CPLANE1: variants seen among roughly 807,000 people sequenced by gnomAD.
CPLANE1 encodes the protein ciliogenesis and planar polarity effector complex subunit 1, also known as ciliogenesis and planar polarity effector 1.
Under a neutral mutation model 362.5 loss-of-function variants are expected in CPLANE1, and 263 were observed. That is an observed-to-expected ratio of 0.73 (90% CI 0.66 to 0.80). CPLANE1 has a LOEUF of 0.80. Among genes scored for constraint, CPLANE1 ranks in the 30% least tolerant of loss-of-function variants. The pLI, the probability that CPLANE1 is intolerant of heterozygous loss-of-function variation, is 0.00. For synonymous variants in CPLANE1, 1,212 were observed against 1,302.6 expected, an observed-to-expected ratio of 0.93 and a Z score of 1.50; for missense variants, 3,461 against 3,793.4, an observed-to-expected ratio of 0.91 and a Z score of 2.30.
intron 48 of CPLANE1, 121 bp downstream of exon 48, chr5:37,122,309 A>G (rs1762886545): frequency 2.5e-6 from 2 of 796,896 alleles, no homozygotes; most frequent in Non-Finnish European, 4.2e-6. Flanking sequence ...GATAACTCCC[A>G]TAATTCTCTG....
At chr5:37,118,991 C>T (rs914048457) in intron 50 of CPLANE1, among the ~76,000 whole-genome samples, 4 of 152,022 alleles carry the variant, frequency 2.6e-5, no homozygotes, top group South Asian at 2.1e-4. Context: ...GGATTACAGG[C>T]GTGAGCCACC....
chr5:37,207,533 T>C (rs935793005), intron 16 of CPLANE1, among the ~76,000 whole-genome samples: 1 of 152,212 alleles, frequency 6.6e-6, no homozygotes, highest in Non-Finnish European at 1.5e-5. Flanking sequence ...CCTTTTAAAA[T>C]ATCACACCAA....
intron 15 of CPLANE1, among the ~76,000 whole-genome samples, chr5:37,219,857 TGTAA>T (rs1277705580): frequency 2.0e-5 from 3 of 152,172 alleles, no homozygotes; most frequent in Non-Finnish European, 2.9e-5. Context: ...AAACTAAACT[TGTAA>T]GTGATTTTGT....
chr5:37,230,119 G>A (rs1040511831), intron 9 of CPLANE1, among the ~76,000 whole-genome samples: 7 of 148,008 alleles, frequency 4.7e-5, no homozygotes, highest in Non-Finnish European at 7.5e-5. Flanking sequence ...GGGTTGCAGT[G>A]AGCCGAGATC....
chr5:37,219,142 G>A (rs1357260894), intron 15 of CPLANE1, among the ~76,000 whole-genome samples: 1 of 152,108 alleles, frequency 6.6e-6, no homozygotes, highest in Non-Finnish European at 1.5e-5. Flanking sequence ...TTGAGAGGCT[G>A]AGGTGTGAAG....
intron 32 of CPLANE1, among the ~76,000 whole-genome samples, chr5:37,171,355 C>T (rs191667150): frequency 6.6e-6 from 1 of 152,162 alleles, no homozygotes; most frequent in Non-Finnish European, 1.5e-5. Context: ...AGGACTTGAA[C>T]GACTGCTGAT....
rs199711701 is a variant in CPLANE1, at chr5:37,183,376, C to T, written c.4805G>A (p.Arg1602Gln). 5.6e-6 allele frequency: 9 copies of T among 1,612,288 alleles called. No homozygotes were observed. Among genetic ancestry groups the T allele is most frequent in the East Asian group, 4.5e-5 (2 of 44,836 alleles). ...LLFDVHTTLK[R>Q]HQSKTKSQNV... is the part of the protein sequence containing the mutation. ...CTGGCTTTTAGTTTTGCTCTGATGT[C>T]GTTTTAATGTTGTATGTACATCAAA... The change falls in exon 26 of 53, where the codon CGA becomes CAA. Residue 1602 changes from arginine to glutamine, a missense_variant. Around this residue, in one of 2 missense-constraint regions of CPLANE1, gnomAD observed 3,380 missense variants for 3,666.1 expected, o/e 0.92. Transcript: ENST00000651892.
intron 29 of CPLANE1, among the ~76,000 whole-genome samples, chr5:37,178,456 T>A (rs1561508816): frequency 6.6e-6 from 1 of 150,858 alleles, no homozygotes; most frequent in African/African-American, 2.4e-5. Context: ...TTTTTTTTTT[T>A]AAATTAGCTG....
intron 6 of CPLANE1, among the ~76,000 whole-genome samples, chr5:37,241,985 AAAAC>A (rs1195645876): frequency 1.7e-4 from 26 of 152,214 alleles, no homozygotes; most frequent in African/African-American, 3.9e-4. Context: ...ATATAAAAAT[AAAAC>A]AAACAGAAAA....
intron 21 of CPLANE1, among the ~76,000 whole-genome samples, chr5:37,193,224 A>C (rs1786171986): frequency 6.6e-6 from 1 of 152,190 alleles, no homozygotes; most frequent in Non-Finnish European, 1.5e-5. Flanking sequence ...CATATACTGA[A>C]GTACTTATTG....
At chr5:37,168,749 T>G (rs1426161586) in intron 34 of CPLANE1, 42 bp downstream of exon 34, 1 of 1,528,528 alleles carries the variant, frequency 6.5e-7, no homozygotes, top group African/African-American at 1.4e-5. Context: ...AAAAAAATAG[T>G]GCAGGACACT....
chr5:37,082,049 C>T, the CPLANE1 span, among the ~76,000 whole-genome samples: 10 of 150,252 alleles, frequency 6.7e-5, no homozygotes, highest in East Asian at 2.0e-4. Context: ...GCCAAGATCG[C>T]GCCATTGCAC....
chr5:37,218,565 T>C (rs1212538271), intron 15 of CPLANE1, among the ~76,000 whole-genome samples: 2 of 152,214 alleles, frequency 1.3e-5, no homozygotes, highest in African/African-American at 4.8e-5. Context: ...TGAGTTTTCC[T>C]AGTGAACCAT....
chr5:37,137,172 C>T (rs1190296880), intron 46 of CPLANE1, among the ~76,000 whole-genome samples: 1 of 152,124 alleles, frequency 6.6e-6, no homozygotes, highest in Non-Finnish European at 1.5e-5. Flanking sequence ...CCACTGGATA[C>T]CCTAAATAAT....
At chr5:37,148,600 A>G (rs969851705) in intron 42 of CPLANE1, among the ~76,000 whole-genome samples, 13 of 152,232 alleles carry the variant, frequency 8.5e-5, no homozygotes. Context: ...GTGGCATAAC[A>G]CGGTCAACCC....
At chr5:37,139,590 T>G (rs1035593958) in intron 44 of CPLANE1, 2 of 918,230 alleles carry the variant, frequency 2.2e-6, no homozygotes, top group African/African-American at 1.8e-5. Flanking sequence ...TCTCACTCTG[T>G]CACCCAGGCT....
At chr5:37,243,672 T>A (rs1456675723) in intron 5 of CPLANE1, among the ~76,000 whole-genome samples, 1 of 147,050 alleles carries the variant, frequency 6.8e-6, no homozygotes, top group Non-Finnish European at 1.5e-5. Flanking sequence ...ATATAAAAAA[T>A]ATATATACAT....
intron 9 of CPLANE1, among the ~76,000 whole-genome samples, chr5:37,229,094 C>T (rs1797096769): frequency 6.6e-6 from 1 of 151,370 alleles, no homozygotes; most frequent in Non-Finnish European, 1.5e-5. Flanking sequence ...GTGGCGCGCG[C>T]CTGCAATTCC....
chr5:37,183,616 G>GT lies in CPLANE1; in HGVS notation c.4564dup (p.Thr1522AsnfsTer7). The GT allele has an allele frequency of 6.2e-7, 1 of 1,612,112 alleles. No homozygotes were observed. The highest frequency in any genetic ancestry group is 8.5e-7 in the Non-Finnish European group (1 of 1,179,088). On this transcript the variant is annotated frameshift_variant, in exon 26 of 53. Transcript: ENST00000651892. The stretch of plus-strand genomic sequence containing the variant: ...TAACTTTTCATGATCTTCTTTCTTT[G>GT]TAGGATTTTCTTTCTGATTACACAT...
Sources: gnomAD v4.1 joint callset for allele counts (sites outside exome capture counted in the v4.1 genomes callset) on GRCh38, gnomAD v4.1.1 for gene constraint, gnomAD v4.1.1 regional missense constraint, MANE v1.5 for transcripts, NCBI Gene and HGNC (gene_info 2026-07-23, HGNC 2026-07-21) for gene names.